The following PCDH19 variants were observed in gnomAD, a reference collection of about 807,000 sequenced individuals.
PCDH19 encodes protocadherin-19.
A neutral mutation model predicts 46.2 loss-of-function variants in PCDH19; 6 were observed. The ratio of observed to expected loss-of-function variants is 0.13; its 90% CI spans 0.07 to 0.26. The LOEUF (loss-of-function observed/expected upper bound fraction) is 0.26, where lower values mean the gene tolerates loss of function less well. Among genes scored for constraint, PCDH19 ranks in the 10% least tolerant of loss-of-function variants. The pLI, the probability that PCDH19 is intolerant of heterozygous loss-of-function variation, is 1.00. For synonymous variants in PCDH19, 481 were observed against 415.7 expected (o/e 1.16, Z -1.91); for missense variants, 740 against 972.3 (o/e 0.76, Z 3.18).
intron 5 of PCDH19, among the ~76,000 whole-genome samples, chrX:100,322,880 G>A (rs1366175599): frequency 2.2e-5 from 1 of 45,118 alleles, no homozygotes; most frequent in Non-Finnish European, 4.5e-5. Flanking sequence ...TGCAGCTATT[G>A]TAAAAGGGGT....
chrX:100,384,461 T>A (rs1380153617), intron 3 of PCDH19, among the ~76,000 whole-genome samples: 1 of 111,433 alleles, frequency 9.0e-6, no homozygotes, highest in Non-Finnish European at 1.9e-5. Context: ...GTCTCCATTC[T>A]AATTAATTTC....
intron 3 of PCDH19, among the ~76,000 whole-genome samples, chrX:100,398,229 T>C (rs901322904): frequency 1.8e-5 from 2 of 112,327 alleles, no homozygotes; most frequent in Non-Finnish European, 3.8e-5. Flanking sequence ...AAAATCCACA[T>C]AGCTGATTTC....
chrX:100,306,836 T>C (rs1315027011), intron 5 of PCDH19, among the ~76,000 whole-genome samples: 1 of 110,710 alleles, frequency 9.0e-6, no homozygotes, highest in Non-Finnish European at 1.9e-5. Flanking sequence ...CCTGGAAATA[T>C]ACAACTCCCC....
intron 5 of PCDH19, among the ~76,000 whole-genome samples, chrX:100,297,568 G>A (rs751379613): frequency 9.0e-6 from 1 of 111,546 alleles, no homozygotes; most frequent in South Asian, 3.8e-4. Context: ...GTGACATGTT[G>A]GTCATTGTTA....
chrX:100,360,035 T>C (rs769534534), intron 3 of PCDH19, among the ~76,000 whole-genome samples: 2 of 111,505 alleles, frequency 1.8e-5, no homozygotes, highest in Non-Finnish European at 1.9e-5. Flanking sequence ...GCCTGCGGAG[T>C]GTGCAGAGTA....
At chrX:100,385,924 G>C (rs970400580) in intron 3 of PCDH19, among the ~76,000 whole-genome samples, 1 of 111,447 alleles carries the variant, frequency 9.0e-6, no homozygotes, top group African/African-American at 3.3e-5. Context: ...ATAACATAAT[G>C]TAAAGATGAG....
chrX:100,388,106 TTGCC>T (rs1273312159), intron 3 of PCDH19, among the ~76,000 whole-genome samples: 7 of 110,976 alleles, frequency 6.3e-5, no homozygotes, highest in Admixed American at 1.9e-4. Context: ...AAAGTAAAAA[TTGCC>T]TGACTTCCTA....
intron 5 of PCDH19, among the ~76,000 whole-genome samples, chrX:100,298,603 C>A (rs1256739582): frequency 9.0e-6 from 1 of 111,398 alleles, no homozygotes; most frequent in African/African-American, 3.3e-5. Context: ...AATGTTTCTG[C>A]AAACTCCAGC....
chrX:100,322,865 A>ATTTTTTTTTTTTTTTTTTT (rs57520956), intron 5 of PCDH19, among the ~76,000 whole-genome samples: 5 of 54,414 alleles, frequency 9.2e-5, no homozygotes, highest in African/African-American at 2.5e-4. Context: ...ATATATATAT[A>ATTTTTTTTTTTTTTTTTTT]TTTTTGCAGC....
At chrX:100,335,711 G>T (rs1386826059) in intron 5 of PCDH19, among the ~76,000 whole-genome samples, 1 of 111,849 alleles carries the variant, frequency 8.9e-6, no homozygotes, top group East Asian at 2.8e-4. Flanking sequence ...AACTTTTACA[G>T]TCAATAACAG....
chrX:100,372,727 CTT>C (rs1927263285), intron 3 of PCDH19, among the ~76,000 whole-genome samples: 1 of 112,223 alleles, frequency 8.9e-6, no homozygotes, highest in Non-Finnish European at 1.9e-5. Flanking sequence ...CTAAAAGCCT[CTT>C]GCTTTTTTGG....
At chrX:100,335,241 G>T (rs1233783626) in intron 5 of PCDH19, among the ~76,000 whole-genome samples, 6 of 111,483 alleles carry the variant, frequency 5.4e-5, no homozygotes, top group African/African-American at 2.0e-4. Context: ...CTTCCTACCT[G>T]CCCAAAAACT....
chrX:100,348,142 G>T (rs1926468131), intron 4 of PCDH19, among the ~76,000 whole-genome samples: 1 of 110,046 alleles, frequency 9.1e-6, no homozygotes, highest in African/African-American at 3.3e-5. Flanking sequence ...TATTGTATTG[G>T]CATTCAAAGA....
In PCDH19 at chrX:100,291,652, C is replaced by G. The variant is rs1924426120; in HGVS notation, c.*4625G>C. 8.9e-6 allele frequency: 1 copy of G among 112,486 alleles called. No individual in the cohort carries two copies. The highest frequency in any genetic ancestry group is 3.2e-5 in the African/African-American group (1 of 30,872). 9.3% of individuals were successfully genotyped at this position (112,486 alleles called of 1,213,427 possible). A position where few individuals can be genotyped will look rare whatever the true frequency, so the allele number is the denominator to read the frequency against. Reference sequence around the variant, plus strand: ...TTCCACCAAACACTCAATACTTTTTCCATAATAGCCTTTAATACTAAAATG... The same window carrying G: ...TTCCACCAAACACTCAATACTTTTTGCATAATAGCCTTTAATACTAAAATG... On this transcript the variant is annotated 3_prime_UTR_variant, in exon 6 of 6. Coordinates refer to ENST00000373034, the MANE Select transcript of PCDH19 (RefSeq NM_001184880.2).
intron 3 of PCDH19, among the ~76,000 whole-genome samples, chrX:100,367,461 C>T (rs1348195618): frequency 8.9e-6 from 1 of 112,104 alleles, no homozygotes; most frequent in Non-Finnish European, 1.9e-5. Context: ...GTTCTGGAGG[C>T]TGGGAAGTCC....
chrX:100,382,081 A>T (rs1927567888), intron 3 of PCDH19, among the ~76,000 whole-genome samples: 2 of 102,283 alleles, frequency 2.0e-5, no homozygotes, highest in East Asian at 3.0e-4. Context: ...CCAGTAATTT[A>T]AAAAAAAAAA....
chrX:100,394,287 T>C (rs1954291169), intron 3 of PCDH19, among the ~76,000 whole-genome samples: 1 of 112,434 alleles, frequency 8.9e-6, no homozygotes, highest in South Asian at 3.7e-4. Context: ...CAAAATTCTG[T>C]AGGTAGCTGG....
chrX:100,390,564 C>T (rs1927832295), intron 3 of PCDH19, among the ~76,000 whole-genome samples: 1 of 111,577 alleles, frequency 9.0e-6, no homozygotes, highest in South Asian at 3.9e-4. Flanking sequence ...CCTGAAGTAG[C>T]AGTGACTCCC....
intron 3 of PCDH19, among the ~76,000 whole-genome samples, chrX:100,385,105 A>G (rs1235510181): frequency 1.9e-5 from 2 of 105,211 alleles, no homozygotes; most frequent in African/African-American, 7.0e-5. Context: ...GTTGCAGTGA[A>G]TGGAGATGAC....
Sources: gnomAD v4.1 joint callset for allele counts (sites outside exome capture counted in the v4.1 genomes callset) on GRCh38, gnomAD v4.1.1 for gene constraint, MANE v1.5 for transcripts, NCBI Gene and HGNC (gene_info 2026-07-23, HGNC 2026-07-21) for gene names.